The following CTNNA2 variants were observed in gnomAD, a reference collection of about 807,000 sequenced individuals.
The protein encoded by CTNNA2 is catenin alpha-2.
Under a neutral mutation model 101.0 loss-of-function variants are expected in CTNNA2, and 42 were observed. That is an observed-to-expected ratio of 0.42 (90% CI 0.32 to 0.54). CTNNA2 has a LOEUF of 0.54. Ranked by LOEUF, CTNNA2 falls within the 20% of genes least tolerant of loss-of-function variation. The probability of loss-of-function intolerance (pLI) is 0.14; values close to 1 mark genes in which losing one functional copy is unlikely to be tolerated. For synonymous variants in CTNNA2, 450 were observed against 456.4 expected (o/e 0.99, Z 0.18); for missense variants, 871 against 1,223.1 (o/e 0.71, Z 4.29).
chr2:79,697,070 G>A (rs898405309), intron 2 of CTNNA2, among the ~76,000 whole-genome samples: 3 of 151,776 alleles, frequency 2.0e-5, no homozygotes, highest in Non-Finnish European at 2.9e-5. Context: ...GTTTTCTCAG[G>A]GTCACATGGC....
intron 7 of CTNNA2, among the ~76,000 whole-genome samples, chr2:79,985,033 G>A (rs967669617): frequency 6.6e-5 from 10 of 152,310 alleles, no homozygotes; most frequent in African/African-American, 2.4e-4. Context: ...GAGAAGCAGA[G>A]ACTGTCCAAA....
chr2:79,965,694 C>T (rs1475804151), intron 7 of CTNNA2, among the ~76,000 whole-genome samples: 1 of 151,710 alleles, frequency 6.6e-6, no homozygotes, highest in South Asian at 2.1e-4. Flanking sequence ...TGTGGTGTCG[C>T]ATGCCTGTAA....
chr2:79,550,916 A>G (rs1388747516), intron 1 of CTNNA2, among the ~76,000 whole-genome samples: 1 of 152,220 alleles, frequency 6.6e-6, no homozygotes, highest in Admixed American at 6.5e-5. Flanking sequence ...AAAGACCTTT[A>G]CAGGGAATAT....
At chr2:80,439,618 C>G (rs1326684962) in intron 9 of CTNNA2, among the ~76,000 whole-genome samples, 1 of 152,152 alleles carries the variant, frequency 6.6e-6, no homozygotes. Flanking sequence ...CCGGGCTGGT[C>G]TTGAATTCCT....
intron 14 of CTNNA2, among the ~76,000 whole-genome samples, chr2:80,582,939 A>T (rs1287542986): frequency 1.3e-5 from 2 of 152,152 alleles, no homozygotes; most frequent in Admixed American, 6.6e-5. Flanking sequence ...AGTTTCTCTT[A>T]TGTGCTTTAT....
At chr2:79,413,113 G>C (rs1283437988) in intron 4 of CTNNA2, among the ~76,000 whole-genome samples, 1 of 151,980 alleles carries the variant, frequency 6.6e-6, no homozygotes. Flanking sequence ...GGTAACCACA[G>C]ATTTACTCTC....
chr2:79,328,314 T>A (rs1676793370), intron 3 of CTNNA2, among the ~76,000 whole-genome samples: 1 of 152,112 alleles, frequency 6.6e-6, no homozygotes, highest in Non-Finnish European at 1.5e-5. Flanking sequence ...CTGGGAAGAC[T>A]GTGGAAGAGC....
intron 18 of CTNNA2, among the ~76,000 whole-genome samples, chr2:80,640,121 A>AAAG (rs1165946935): frequency 6.6e-6 from 1 of 151,888 alleles, no homozygotes; most frequent in Non-Finnish European, 1.5e-5. Context: ...AAAAAACAAA[A>AAAG]AAGTCAGTAT....
chr2:80,123,131 T>G (rs1558829704), intron 7 of CTNNA2, among the ~76,000 whole-genome samples: 1 of 152,208 alleles, frequency 6.6e-6, no homozygotes, highest in Admixed American at 6.5e-5. Context: ...TCATGACTGC[T>G]GCCTACTTTC....
chr2:80,056,078 G>A (rs1697196414), intron 7 of CTNNA2, among the ~76,000 whole-genome samples: 1 of 152,186 alleles, frequency 6.6e-6, no homozygotes, highest in Non-Finnish European at 1.5e-5. Context: ...GGTCACAGCT[G>A]CTATGAGTCC....
intron 2 of CTNNA2, among the ~76,000 whole-genome samples, chr2:79,230,567 G>A (rs376202899): frequency 9.9e-5 from 15 of 152,220 alleles, no homozygotes; most frequent in Non-Finnish European, 1.3e-4. Flanking sequence ...ATGGCAGTGC[G>A]GAAGGGAAAT....
chr2:80,317,426 G>A (rs969227443), intron 7 of CTNNA2, among the ~76,000 whole-genome samples: 1 of 151,998 alleles, frequency 6.6e-6, no homozygotes, highest in Non-Finnish European at 1.5e-5. Context: ...CTTAAGCTAC[G>A]TGCCTTAACA....
chr2:79,772,895 A>C (rs890604874), intron 3 of CTNNA2, among the ~76,000 whole-genome samples: 5 of 152,196 alleles, frequency 3.3e-5, no homozygotes, highest in Non-Finnish European at 7.3e-5. Context: ...TATTAAAATG[A>C]ATTTTGAAAA....
chr2:80,173,389 G>A (rs1445762738), intron 7 of CTNNA2, among the ~76,000 whole-genome samples: 1 of 152,168 alleles, frequency 6.6e-6, no homozygotes, highest in Non-Finnish European at 1.5e-5. Context: ...AAAATGGAAA[G>A]CATGACTGTA....
At chr2:80,526,265 T>C (rs1382066206) in intron 9 of CTNNA2, among the ~76,000 whole-genome samples, 1 of 152,162 alleles carries the variant, frequency 6.6e-6, no homozygotes, top group East Asian at 1.9e-4. Context: ...AGTGGTGCGA[T>C]CTCAGCTCAC....
intron 4 of CTNNA2, among the ~76,000 whole-genome samples, chr2:79,502,446 C>T (rs189577229): frequency 3.9e-5 from 6 of 152,136 alleles, no homozygotes; most frequent in African/African-American, 9.6e-5. Flanking sequence ...TTGTGATTTG[C>T]GACTTGGTCA....
intron 7 of CTNNA2, among the ~76,000 whole-genome samples, chr2:80,120,089 T>G (rs1415890189): frequency 6.6e-6 from 1 of 152,158 alleles, no homozygotes; most frequent in Non-Finnish European, 1.5e-5. Flanking sequence ...AATTTTCCTC[T>G]CTTTCTTGAA....
At chr2:79,292,144 C>T (rs920253647) in intron 2 of CTNNA2, among the ~76,000 whole-genome samples, 4 of 152,038 alleles carry the variant, frequency 2.6e-5, no homozygotes, top group Non-Finnish European at 4.4e-5. Context: ...GGGTTGGTGC[C>T]CTTTAAAAAA....
chr2:80,093,372 C>T (rs1213247383), intron 7 of CTNNA2, among the ~76,000 whole-genome samples: 7 of 152,058 alleles, frequency 4.6e-5, no homozygotes, highest in Non-Finnish European at 7.4e-5. Flanking sequence ...CCATGGTGTA[C>T]ATGTGCCACA....
Sources: gnomAD v4.1 joint callset for allele counts (sites outside exome capture counted in the v4.1 genomes callset) on GRCh38, gnomAD v4.1.1 for gene constraint, MANE v1.5 for transcripts, NCBI Gene and HGNC (gene_info 2026-07-23, HGNC 2026-07-21) for gene names.